RIMS3: variants seen among roughly 807,000 people sequenced by gnomAD.
RIMS3 encodes regulating synaptic membrane exocytosis 3.
In RIMS3, 15 loss-of-function variants were observed where a neutral mutation model predicts 29.2. The observed-to-expected ratio is 0.51, with a 90% CI of 0.34 to 0.79. The LOEUF (loss-of-function observed/expected upper bound fraction) is 0.79. Ranked by LOEUF, RIMS3 falls within the 30% of genes least tolerant of loss-of-function variation. RIMS3 has a pLI of 0.01. For missense variants in RIMS3, 342 were observed against 421.4 expected, an observed-to-expected ratio of 0.81 and a Z score of 1.65; for synonymous variants, 161 against 170.1, an observed-to-expected ratio of 0.95 and a Z score of 0.41.
At chr1:40,663,159 G>A (rs895060868) in intron 1 of RIMS3, among the ~76,000 whole-genome samples, 9 of 152,148 alleles carry the variant, frequency 5.9e-5, no homozygotes, top group Admixed American at 2.0e-4. Context: ...ATGCCAGTGT[G>A]GGAGAAACAC....
chr1:40,677,299 C>T, the RIMS3 span, among the ~76,000 whole-genome samples: 2 of 151,746 alleles, frequency 1.3e-5, no homozygotes, highest in South Asian at 4.2e-4. Context: ...GCCACCGTGC[C>T]GGCCTAATAT....
At position 40,623,252 on chromosome 1, in the gene RIMS3, A is replaced by G. The variant is rs571162153; in HGVS notation, c.*3265T>C. 9.8e-5 allele frequency: 39 copies of G among 396,630 alleles called. No homozygotes were observed. In the Middle Eastern group the frequency reaches 1.9e-3, roughly 19 times the overall value. The allele number at this position is 396,630 out of a possible 1,614,324, so 24.6% of individuals were successfully genotyped here. A position where few individuals can be genotyped will look rare whatever the true frequency, so the allele number is the denominator to read the frequency against. On this transcript the variant is annotated 3_prime_UTR_variant, in exon 8 of 8. Coordinates refer to ENST00000372684, the MANE Select transcript of RIMS3 (RefSeq NM_014747.3). ...GGGTGGTAGAAGAAACCAGATGGGG[A>G]GTCATTTTGGAGATGATTCTTCCCT...
chr1:40,683,289 T>C, the RIMS3 span, among the ~76,000 whole-genome samples: 2 of 152,232 alleles, frequency 1.3e-5, no homozygotes, highest in South Asian at 2.1e-4. Context: ...TGAAATTTAA[T>C]TGCTATTTTA....
rs142607527 is a variant in RIMS3, at chr1:40,653,885, G to A, written c.-206-6043C>T. ...AGGACTGTGCCAGGCAAACCCAGTC[G>A]TATAGTCACCCTAGCTGGTGGATAC... On this transcript the variant is annotated intron_variant, in intron 1 of 7. Coordinates refer to ENST00000372684, the MANE Select transcript of RIMS3 (RefSeq NM_014747.3). 1.2e-3 allele frequency among the ~76,000 whole-genome samples: 182 copies of A among 152,246 alleles called. 3 individuals are homozygous for A. Among genetic ancestry groups the A allele is most frequent in the African/African-American group, 4.3e-3 (177 of 41,526 alleles).
chr1:40,682,763 T>C, the RIMS3 span, among the ~76,000 whole-genome samples: 2 of 145,550 alleles, frequency 1.4e-5, no homozygotes, highest in Non-Finnish European at 3.0e-5. Context: ...TTTTTTGAGA[T>C]GGAATCTTGC....
intron 1 of RIMS3, among the ~76,000 whole-genome samples, chr1:40,661,336 C>T (rs1392560527): frequency 6.6e-6 from 1 of 152,108 alleles, no homozygotes; most frequent in Non-Finnish European, 1.5e-5. Context: ...GTTAGTAATG[C>T]CCTCCACCTC....
At chr1:40,650,676 A>C (rs1429661926) in intron 1 of RIMS3, among the ~76,000 whole-genome samples, 1 of 151,810 alleles carries the variant, frequency 6.6e-6, no homozygotes, top group East Asian at 1.9e-4. Context: ...AGCCTGAGCA[A>C]CACGGTAAAA....
Position 40,637,307 on chromosome 1 carries a change from C to T in RIMS3, c.218-1250G>A, listed in dbSNP as rs1437807212. The stretch of plus-strand genomic sequence containing the variant: ...TCGTCTGCTTATCTTTCAGAAAGTC[C>T]CCACTGGAGGAGGGCAGGCAGAGAG... On this transcript the variant is annotated intron_variant, in intron 3 of 7. Coordinates refer to ENST00000372684, the MANE Select transcript of RIMS3 (RefSeq NM_014747.3). Among the ~76,000 whole-genome samples the T allele has an allele frequency of 4.6e-5, 7 of 152,216 alleles. No homozygotes were observed. In the East Asian group the frequency reaches 9.6e-4, roughly 21 times the overall value.
upstream of RIMS3, among the ~76,000 whole-genome samples, chr1:40,667,401 G>A (rs538946434): frequency 1.6e-4 from 25 of 152,244 alleles, no homozygotes; most frequent in Non-Finnish European, 2.6e-4. Context: ...TGGAGGTGAG[G>A]GGTGGGAGCA....
At chr1:40,629,511 A>G (rs1482681932) in intron 5 of RIMS3, 139 bp from the exon 6 acceptor site, 2 of 749,574 alleles carry the variant, frequency 2.7e-6, no homozygotes, top group Non-Finnish European at 4.8e-6. Context: ...CACATGGGCC[A>G]AAACTGCTCT....
upstream of RIMS3, among the ~76,000 whole-genome samples, chr1:40,670,576 A>ATT (rs1325947715): frequency 5.6e-4 from 38 of 67,448 alleles, no homozygotes; most frequent in South Asian, 2.2e-3. Flanking sequence ...TTATAATTTT[A>ATT]TATATATATA....
chr1:40,641,864 G>C lies in RIMS3; in HGVS notation c.62C>G (p.Ser21Cys), dbSNP rs756125367. The C allele has an allele frequency of 6.2e-6, 10 of 1,613,658 alleles. No individual in the cohort carries two copies. The South Asian group carries it at 8.8e-5, about 14-fold the overall frequency. ...SGASRNVVRS[S>C]SISGEICGSQ... ...TCCGCAGATTTCACCGCTAATGCTGGAGCTCCGCACCACATTCCTGGAGGC... is the reference window on the plus strand; with the variant it reads ...TCCGCAGATTTCACCGCTAATGCTGCAGCTCCGCACCACATTCCTGGAGGC... The change falls in exon 3 of 8, where the codon TCC becomes TGC. Residue 21 changes from serine to cysteine, a missense_variant. Transcript: ENST00000372684.
the RIMS3 span, among the ~76,000 whole-genome samples, chr1:40,688,820 C>A: frequency 6.6e-6 from 1 of 152,168 alleles, no homozygotes; most frequent in Non-Finnish European, 1.5e-5. Context: ...CATGGCTGAG[C>A]AAGCCCTTTT....
chr1:40,628,863 G>A lies in RIMS3; in HGVS notation c.661C>T (p.Leu221=). The change falls in exon 7 of 8, where the codon CTG becomes TTG. Residue 221 remains leucine (L), a synonymous_variant. Transcript: ENST00000372684. ...TKMTKKTCDP[L]YQQALLFDEG... ...TCAAAGAGCAGAGCCTGCTGGTACA[G>A]GGGATCACAGGTCTTCTTGGTCATC... 1 of 1,614,148 alleles carries A rather than the reference G, an allele frequency of 6.2e-7. No individual in the cohort carries two copies. The highest frequency in any genetic ancestry group is 1.1e-5 in the South Asian group (1 of 91,082).
At chr1:40,662,246 C>T (rs1244311310) in intron 1 of RIMS3, among the ~76,000 whole-genome samples, 4 of 152,194 alleles carry the variant, frequency 2.6e-5, no homozygotes, top group Admixed American at 2.0e-4. Context: ...CCACGCCAAG[C>T]CTGTTCTCAC....
the RIMS3 span, among the ~76,000 whole-genome samples, chr1:40,673,907 G>A: frequency 6.6e-6 from 1 of 151,932 alleles, no homozygotes; most frequent in Non-Finnish European, 1.5e-5. Context: ...CAGGGGAGTT[G>A]TAAAGATTAA....
chr1:40,650,588 C>T (rs936275665), intron 1 of RIMS3, among the ~76,000 whole-genome samples: 1 of 151,908 alleles, frequency 6.6e-6, no homozygotes, highest in Admixed American at 6.6e-5. Flanking sequence ...TTGGGCCGGG[C>T]GTGGGGCTCA....
chr1:40,659,316 G>A (rs1418485407), intron 1 of RIMS3, among the ~76,000 whole-genome samples: 3 of 152,180 alleles, frequency 2.0e-5, no homozygotes, highest in Admixed American at 6.5e-5. Context: ...ATCATAAAGG[G>A]CTTTGAATAC....
intron 1 of RIMS3, among the ~76,000 whole-genome samples, chr1:40,663,176 C>T (rs904371056): frequency 1.3e-5 from 2 of 152,162 alleles, no homozygotes; most frequent in African/African-American, 2.4e-5. Context: ...ACACCCCCAT[C>T]GTCAGCAAAA....
Sources: gnomAD v4.1 joint callset for allele counts (sites outside exome capture counted in the v4.1 genomes callset) on GRCh38, gnomAD v4.1.1 for gene constraint, MANE v1.5 for transcripts, NCBI Gene and HGNC (gene_info 2026-07-23, HGNC 2026-07-21) for gene names.